AK9: variants seen among roughly 807,000 people sequenced by gnomAD.
AK9 encodes adenylate kinase domain containing 1.
In AK9, 191 loss-of-function variants were observed where a neutral mutation model predicts 239.6. The ratio of observed to expected loss-of-function variants is 0.80; its 90% confidence interval spans 0.71 to 0.90. The LOEUF is 0.90. Ranked by LOEUF, AK9 falls within the 40% of genes least tolerant of loss-of-function variation. The probability of loss-of-function intolerance (pLI) is 0.00; values close to 1 mark genes in which losing one functional copy is unlikely to be tolerated. For missense variants in AK9, 1,995 were observed against 2,214.7 expected, an observed-to-expected ratio of 0.90 and a Z score of 1.99; for synonymous variants, 689 against 721.0, an observed-to-expected ratio of 0.96 and a Z score of 0.71.
chr6:109,677,477 T>C (rs1771925954), intron 1 of AK9, among the ~76,000 whole-genome samples: 2 of 152,068 alleles, frequency 1.3e-5, no homozygotes, highest in African/African-American at 2.4e-5. Flanking sequence ...AGGATTTAAT[T>C]TGTAAAGATA....
chr6:109,669,505 G>A (rs1455430481), intron 5 of AK9, among the ~76,000 whole-genome samples: 1 of 152,138 alleles, frequency 6.6e-6, no homozygotes, highest in East Asian at 1.9e-4. Context: ...TGCCCATTCA[G>A]TATGATATTG....
At chr6:109,536,082 A>G (rs556959088) in intron 27 of AK9, among the ~76,000 whole-genome samples, 3 of 152,170 alleles carry the variant, frequency 2.0e-5, no homozygotes, top group Non-Finnish European at 4.4e-5. Flanking sequence ...TTAACTTGGC[A>G]ATGCAGGCTC....
chr6:109,493,646 G>T, intron 40 of AK9, 75 bp from the exon 41 acceptor site: 1 of 1,276,622 alleles, frequency 7.8e-7, no homozygotes, highest in Non-Finnish European at 1.1e-6. Flanking sequence ...ACCTGGATGT[G>T]TGGTTGAGTT....
chr6:109,515,783 T>C, intron 31 of AK9, 74 bp downstream of exon 31: 4 of 1,337,330 alleles, frequency 3.0e-6, no homozygotes, highest in Non-Finnish European at 4.1e-6. Flanking sequence ...TCCAGTCTTT[T>C]TCCTTTAAAA....
intron 1 of AK9, among the ~76,000 whole-genome samples, chr6:109,680,981 C>T (rs2128351610): frequency 6.6e-6 from 1 of 152,274 alleles, no homozygotes; most frequent in South Asian, 2.1e-4. Context: ...CTGGTACCAG[C>T]CACTGAAAAA....
At chr6:109,687,705 C>CACCTGATTGCAGCCAA (rs1773710318) in intron 1 of AK9, among the ~76,000 whole-genome samples, 1 of 152,202 alleles carries the variant, frequency 6.6e-6, no homozygotes, top group Non-Finnish European at 1.5e-5. Context: ...TCTCAGCCAA[C>CACCTGATTGCAGCCAA]ACCAGATTGC....
chr6:109,640,509 T>C (rs1797270598), intron 10 of AK9, among the ~76,000 whole-genome samples: 1 of 152,162 alleles, frequency 6.6e-6, no homozygotes, highest in Non-Finnish European at 1.5e-5. Context: ...ACCCATCTTC[T>C]GCATCGATCC....
intron 24 of AK9, among the ~76,000 whole-genome samples, chr6:109,552,679 T>C (rs899372827): frequency 3.3e-5 from 5 of 152,254 alleles, no homozygotes; most frequent in African/African-American, 9.6e-5. Context: ...TGATAGTTTC[T>C]TTTGCTGTGC....
In AK9 at chr6:109,674,279, T is replaced by C. The variant is rs1771377105; in HGVS notation, c.118-18A>G. The stretch of plus-strand genomic sequence containing the variant: ...CCAACACCCTTAAAAAGAAAAATGT[T>C]ATTTAAAGCCCAATAGAACAGTTAC... On this transcript the variant is annotated intron_variant, in intron 2 of 40. Transcript: ENST00000424296. 6.6e-7 allele frequency: 1 copy of C among 1,525,566 alleles called. No homozygotes were observed. Among genetic ancestry groups the C allele is most frequent in the Non-Finnish European group, 8.8e-7 (1 of 1,131,766 alleles). The allele number at this position is 1,525,566 out of a possible 1,614,324, so 94.5% of individuals were successfully genotyped here.
intron 33 of AK9, among the ~76,000 whole-genome samples, chr6:109,508,695 A>C (rs1253012327): frequency 6.6e-6 from 1 of 152,152 alleles, no homozygotes; most frequent in Non-Finnish European, 1.5e-5. Context: ...AGCAAAGGTG[A>C]GAAGTGTAAA....
intron 8 of AK9, among the ~76,000 whole-genome samples, chr6:109,648,726 C>T (rs1024715587): frequency 2.0e-5 from 3 of 152,190 alleles, no homozygotes; most frequent in Non-Finnish European, 4.4e-5. Flanking sequence ...AGGGAATCCT[C>T]CCTAATTCAT....
At chr6:109,613,104 TAATA>T (rs1377583230) in intron 15 of AK9, among the ~76,000 whole-genome samples, 1 of 150,752 alleles carries the variant, frequency 6.6e-6, no homozygotes, top group Non-Finnish European at 1.5e-5. Flanking sequence ...CTCAGACACT[TAATA>T]TATATATAAA....
intron 8 of AK9, among the ~76,000 whole-genome samples, chr6:109,647,577 A>G (rs1383620392): frequency 5.3e-5 from 8 of 152,226 alleles, no homozygotes; most frequent in Non-Finnish European, 1.5e-5. Flanking sequence ...AGGAGCACCC[A>G]GATTCATAAA....
At chr6:109,585,625 A>G (rs1340048333) in intron 18 of AK9, among the ~76,000 whole-genome samples, 1 of 152,030 alleles carries the variant, frequency 6.6e-6, no homozygotes, top group Non-Finnish European at 1.5e-5. Flanking sequence ...TCAGCCTTAT[A>G]TGTTATTCAT....
At chr6:109,617,371 C>A (rs571434976) in intron 13 of AK9, among the ~76,000 whole-genome samples, 1 of 152,010 alleles carries the variant, frequency 6.6e-6, no homozygotes, top group South Asian at 2.1e-4. Flanking sequence ...CAACTTAAAA[C>A]AAAATGTTTT....
rs1239945006 is a variant in AK9, at chr6:109,495,313, A to G, written c.5418+25T>C. ...AAGTCATTGTATTCTTCTAACATAT[A>G]TAACAGAAAATTAAGTAAAAGAACC... On this transcript the variant is annotated intron_variant, in intron 39 of 40. Coordinates refer to ENST00000424296, the MANE Select transcript of AK9 (RefSeq NM_001145128.3). 2.6e-6 allele frequency: 4 copies of G among 1,546,686 alleles called. No individual in the cohort carries two copies. The Admixed American group carries it at 7.1e-5, about 27-fold the overall frequency.
chr6:109,641,529 T>G lies in AK9; in HGVS notation c.922A>C (p.Thr308Pro). The G allele has an allele frequency of 6.2e-7, 1 of 1,611,738 alleles. No individual in the cohort carries two copies. The highest frequency in any genetic ancestry group is 8.5e-7 in the Non-Finnish European group (1 of 1,177,968). The stretch of plus-strand genomic sequence containing the variant: ...TCCATATAACTTACATTTTCCATTG[T>G]GTCATTAATTTCTTCCTCTGCACCC... The part of the protein sequence containing the change: ...LQGAEEEIND[T>P]MENDELFRTL... Residue 308 changes from threonine (T) to proline (P), a missense_variant, in exon 10 of 41, where the codon ACA becomes CCA. Physicochemically the swap from Thr to Pro is conservative, Grantham distance 38 (BLOSUM62 -1). Around this residue, in one of 5 missense-constraint regions of AK9, gnomAD observed 1,290 missense variants for 1,392.7 expected, o/e 0.93. Transcript: ENST00000424296.
Position 109,516,035 on chromosome 6 carries a change from T to A in AK9, c.3887A>T (p.Asn1296Ile). Residue 1296 changes from asparagine to isoleucine, a missense_variant, in exon 31 of 41, where the codon AAT becomes ATT. Asn to Ile is a moderately radical substitution (Grantham distance 149). Transcript: ENST00000424296. ...TACAATGTGATTTCTCCGAGCTCCA[T>A]TAATGGAAATTATTGGTATCAAATA... is the stretch of plus-strand genomic sequence containing the variant. ...ERYLIPIISI[N>I]GARRNHIVQY... The A allele has an allele frequency of 6.4e-7, 1 of 1,550,870 alleles. No individual in the cohort carries two copies. The highest frequency in any genetic ancestry group is 8.7e-7 in the Non-Finnish European group (1 of 1,146,306).
At chr6:109,556,734 G>A (rs1001736192) in intron 24 of AK9, among the ~76,000 whole-genome samples, 19 of 151,562 alleles carry the variant, frequency 1.3e-4, no homozygotes, top group African/African-American at 4.6e-4. Flanking sequence ...ATTGTTGTCT[G>A]CAGGTCTTAT....
Sources: gnomAD v4.1 joint callset for allele counts (sites outside exome capture counted in the v4.1 genomes callset) on GRCh38, gnomAD v4.1.1 for gene constraint, gnomAD v4.1.1 regional missense constraint, MANE v1.5 for transcripts, NCBI Gene and HGNC (gene_info 2026-07-23, HGNC 2026-07-21) for gene names.